The following GPC5 variants were observed in gnomAD, a reference collection of about 807,000 sequenced individuals.
The protein encoded by GPC5 is glypican 5.
Under a neutral mutation model 53.9 loss-of-function variants are expected in GPC5, and 47 were observed. That is an observed-to-expected ratio of 0.87 (90% CI 0.69 to 1.11). The LOEUF (loss-of-function observed/expected upper bound fraction) is 1.11. Among genes scored for constraint, GPC5 ranks in the 50% most tolerant of loss-of-function variants. The probability of loss-of-function intolerance (pLI) is 0.00; values close to 1 mark genes in which losing one functional copy is unlikely to be tolerated. For synonymous variants in GPC5, 286 were observed against 263.3 expected, an observed-to-expected ratio of 1.09 and a Z score of -0.84; for missense variants, 748 against 713.1, an observed-to-expected ratio of 1.05 and a Z score of -0.56.
intron 6 of GPC5, among the ~76,000 whole-genome samples, chr13:92,111,968 G>A (rs2041560541): frequency 6.6e-6 from 1 of 152,112 alleles, no homozygotes; most frequent in Non-Finnish European, 1.5e-5. Context: ...ATTTCATCCT[G>A]AAGAAATTCA....
intron 5 of GPC5, among the ~76,000 whole-genome samples, chr13:91,849,413 G>T (rs773600272): frequency 6.6e-6 from 1 of 151,970 alleles, no homozygotes; most frequent in Non-Finnish European, 1.5e-5. Context: ...AACCACACGT[G>T]GTTTAATAGC....
intron 7 of GPC5, among the ~76,000 whole-genome samples, chr13:92,606,252 G>A (rs917462472): frequency 2.0e-5 from 3 of 151,778 alleles, no homozygotes; most frequent in Non-Finnish European, 4.4e-5. Flanking sequence ...CCAACTCCAC[G>A]ACAGGCCCCG....
At chr13:92,147,885 A>G (rs531949372) in intron 7 of GPC5, among the ~76,000 whole-genome samples, 1 of 152,094 alleles carries the variant, frequency 6.6e-6, no homozygotes, top group African/African-American at 2.4e-5. Flanking sequence ...CTATTTTTAT[A>G]AAGCACTCTA....
rs555884509 is a variant in GPC5 at position 92,744,276 on chromosome 13, A to G, written c.1562-122006A>G. On this transcript the variant is annotated intron_variant, in intron 7 of 7. Coordinates refer to ENST00000377067, the MANE Select transcript of GPC5 (RefSeq NM_004466.6). ...TAGAGCTGAAATCTACAAGATAGGG[A>G]AAGTGAGAGCAGGAGTATATCTGAG... Among the ~76,000 whole-genome samples, 3 of 152,174 alleles carry G rather than the reference A, an allele frequency of 2.0e-5. No individual in the cohort carries two copies. The South Asian group carries it at 6.2e-4, about 32-fold the overall frequency.
intron 6 of GPC5, among the ~76,000 whole-genome samples, chr13:92,058,417 C>T (rs1286158092): frequency 6.6e-6 from 1 of 152,118 alleles, no homozygotes; most frequent in African/African-American, 2.4e-5. Flanking sequence ...TTCCATACAG[C>T]CCATCCCTGC....
intron 6 of GPC5, among the ~76,000 whole-genome samples, chr13:91,973,899 G>A (rs1279116260): frequency 1.3e-5 from 2 of 152,210 alleles, no homozygotes; most frequent in African/African-American, 4.8e-5. Flanking sequence ...CCCCTACAGG[G>A]GGATGCCTCC....
intron 6 of GPC5, among the ~76,000 whole-genome samples, chr13:92,014,330 C>A (rs1371063615): frequency 6.6e-6 from 1 of 152,128 alleles, no homozygotes; most frequent in Non-Finnish European, 1.5e-5. Context: ...ACTTGAATGG[C>A]TGAATTGGCT....
intron 5 of GPC5, among the ~76,000 whole-genome samples, chr13:91,793,304 G>A (rs1450605402): frequency 4.6e-5 from 7 of 152,018 alleles, no homozygotes; most frequent in South Asian, 4.1e-4. Flanking sequence ...GGGAAAAACC[G>A]CCCCCATGAT....
chr13:92,848,396 T>C (rs1053385240), intron 7 of GPC5, among the ~76,000 whole-genome samples: 2 of 152,098 alleles, frequency 1.3e-5, no homozygotes, highest in African/African-American at 4.8e-5. Context: ...ATTTAATAAA[T>C]TAAAAAGAGT....
At chr13:91,490,608 C>G (rs1883888767) in intron 2 of GPC5, among the ~76,000 whole-genome samples, 1 of 152,040 alleles carries the variant, frequency 6.6e-6, no homozygotes, top group African/African-American at 2.4e-5. Flanking sequence ...GGTGTTATGA[C>G]CCAACTTGCA....
intron 7 of GPC5, among the ~76,000 whole-genome samples, chr13:92,274,433 C>T (rs567290179): frequency 1.7e-4 from 26 of 152,208 alleles, no homozygotes; most frequent in Middle Eastern, 3.4e-3. Context: ...GCAAACATAC[C>T]ACCCTTCTCC....
intron 7 of GPC5, among the ~76,000 whole-genome samples, chr13:92,472,159 G>T (rs908758886): frequency 6.6e-6 from 1 of 152,110 alleles, no homozygotes; most frequent in African/African-American, 2.4e-5. Flanking sequence ...ACTTCCTCCT[G>T]TGTGAACTTG....
intron 3 of GPC5, among the ~76,000 whole-genome samples, chr13:91,714,918 C>T (rs1459901987): frequency 6.6e-6 from 1 of 152,192 alleles, no homozygotes; most frequent in African/African-American, 2.4e-5. Flanking sequence ...TGTTACAGCT[C>T]AGGCAGTGTT....
At chr13:92,717,846 T>C (rs1295253448) in intron 7 of GPC5, among the ~76,000 whole-genome samples, 2 of 152,182 alleles carry the variant, frequency 1.3e-5, no homozygotes, top group South Asian at 4.1e-4. Context: ...GGAAAAAATA[T>C]TTGCCAACTA....
intron 7 of GPC5, among the ~76,000 whole-genome samples, chr13:92,426,029 A>T (rs1387133089): frequency 6.6e-6 from 1 of 152,060 alleles, no homozygotes; most frequent in Non-Finnish European, 1.5e-5. Context: ...GGCTTATTCT[A>T]CTTTTCTGTT....
intron 7 of GPC5, among the ~76,000 whole-genome samples, chr13:92,641,408 T>C (rs958645139): frequency 1.3e-5 from 2 of 151,942 alleles, no homozygotes; most frequent in Admixed American, 6.6e-5. Flanking sequence ...AATGCCATGA[T>C]AAAGAAAGGC....
intron 7 of GPC5, among the ~76,000 whole-genome samples, chr13:92,654,753 C>CAAA (rs36012771): frequency 6.1e-5 from 9 of 148,426 alleles, no homozygotes; most frequent in Admixed American, 2.0e-4. Context: ...TTGTATTCAT[C>CAAA]AAAAAAAAAA....
At chr13:91,899,595 C>A (rs1263740954) in intron 5 of GPC5, among the ~76,000 whole-genome samples, 1 of 151,962 alleles carries the variant, frequency 6.6e-6, no homozygotes, top group African/African-American at 2.4e-5. Context: ...CTTTAGAATG[C>A]GACTTATTTG....
intron 7 of GPC5, among the ~76,000 whole-genome samples, chr13:92,498,163 A>C (rs1223429533): frequency 1.3e-5 from 2 of 152,098 alleles, no homozygotes; most frequent in African/African-American, 4.8e-5. Flanking sequence ...CACTTGGAAG[A>C]GGGCCAAGTG....
Sources: allele counts gnomAD v4.1 joint callset (sites outside exome capture counted in the v4.1 genomes callset), GRCh38; gene constraint gnomAD v4.1.1; transcripts MANE v1.5; gene names NCBI Gene and HGNC (gene_info 2026-07-23, HGNC 2026-07-21).